NID1: variants seen among roughly 807,000 people sequenced by gnomAD.
The protein encoded by NID1 is nidogen 1.
Under a neutral mutation model 130.6 loss-of-function variants are expected in NID1, and 76 were observed. The observed-to-expected ratio is 0.58, with a 90% confidence interval of 0.48 to 0.70. The LOEUF (loss-of-function observed/expected upper bound fraction) is 0.70. NID1 is among the 30% of genes least tolerant of loss of function. The probability of loss-of-function intolerance (pLI) is 0.00; values close to 1 mark genes in which losing one functional copy is unlikely to be tolerated. For missense variants in NID1, 1,517 were observed against 1,664.8 expected (o/e 0.91, Z 1.54); for synonymous variants, 665 against 675.1 (o/e 0.98, Z 0.23).
intron 1 of NID1, among the ~76,000 whole-genome samples, chr1:236,063,635 T>C (rs1660107561): frequency 6.6e-6 from 1 of 151,226 alleles, no homozygotes; most frequent in Admixed American, 6.6e-5. Flanking sequence ...TTTAAAACTT[T>C]ATACTGCCCA....
At position 236,011,967 on chromosome 1, in the gene NID1, C is replaced by T. The variant is rs750183751; in HGVS notation, c.2481G>A (p.Gln827=). The stretch of plus-strand genomic sequence containing the variant: ...CGTCTCCCTGATAACCAGGTTTGCA[C>T]TGGCACGTGAAAGAGCCTGGAGTGT... ...CYNTPGSFTC[Q]CKPGYQGDGF... The change falls in exon 12 of 20, where the codon CAG becomes CAA. Residue 827 remains glutamine, a synonymous_variant. Transcript: ENST00000264187. 6.2e-6 allele frequency: 10 copies of T among 1,614,240 alleles called. No homozygotes were observed. The South Asian group carries it at 1.1e-4, about 18-fold the overall frequency.
At chr1:235,988,666 G>A (rs548147736) in intron 14 of NID1, among the ~76,000 whole-genome samples, 2 of 152,268 alleles carry the variant, frequency 1.3e-5, no homozygotes, top group East Asian at 1.9e-4. Context: ...CGGCAGATCC[G>A]TACAATGGGA....
In NID1 at chr1:235,977,845, A is replaced by G. The variant is rs1206985574; in HGVS notation, c.*22T>C. On this transcript the variant is annotated 3_prime_UTR_variant, in exon 20 of 20. Coordinates refer to ENST00000264187, the MANE Select transcript of NID1 (RefSeq NM_002508.3). Reference sequence around the variant, plus strand: ...GAGTGTTGCTGTGAAATACTTGGAAAGGAAATAAGGCACTCTTGTCTTCAT... The same window carrying G: ...GAGTGTTGCTGTGAAATACTTGGAAGGGAAATAAGGCACTCTTGTCTTCAT... 1.2e-6 allele frequency: 2 copies of G among 1,612,024 alleles called. No homozygotes were observed. Among genetic ancestry groups the G allele is most frequent in the African/African-American group, 1.3e-5 (1 of 74,846 alleles).
intron 10 of NID1, among the ~76,000 whole-genome samples, chr1:236,016,840 G>GT (rs2102819689): frequency 1.2e-5 from 1 of 83,556 alleles, no homozygotes; most frequent in South Asian, 4.6e-4. Context: ...ATGTCTAATA[G>GT]CTTATAGTTA....
chr1:236,007,658 A>G (rs1273410384), intron 12 of NID1, among the ~76,000 whole-genome samples: 3 of 152,164 alleles, frequency 2.0e-5, no homozygotes, highest in Non-Finnish European at 4.4e-5. Flanking sequence ...CCATCCCTGT[A>G]GAGAGACCCA....
chr1:236,032,701 C>G, intron 5 of NID1, 49 bp from the exon 6 acceptor site: 1 of 1,600,068 alleles, frequency 6.2e-7, no homozygotes, highest in African/African-American at 1.3e-5. Context: ...CCAAGCCAGT[C>G]TTTCAAACAC....
At chr1:235,988,382 G>A (rs1255304430) in intron 14 of NID1, among the ~76,000 whole-genome samples, 1 of 152,202 alleles carries the variant, frequency 6.6e-6, no homozygotes, top group Non-Finnish European at 1.5e-5. Context: ...CAGCCAACAA[G>A]TTTTGGTAAG....
In NID1 at chr1:235,990,903, C is replaced by T. The variant is rs758858540; in HGVS notation, c.2911G>A (p.Ala971Thr). Residue 971 changes from alanine to threonine, a missense_variant, in exon 14 of 20, where the codon GCG becomes ACG. Ala to Thr is a moderately conservative substitution (Grantham distance 58, BLOSUM62 0). Around this residue, in one of 3 missense-constraint regions of NID1, gnomAD observed 1,329 missense variants for 1,429.2 expected, o/e 0.93. Transcript: ENST00000264187. ...GNTMRKTEAKAFLHVPAKVII... is the reference protein window; with the variant it reads ...GNTMRKTEAKTFLHVPAKVII... ...GCACTCACCGGGACATGAAGGAACG[C>T]CTTTGCTTCTGTCTTCCTCATGGTA... 2 of 1,614,142 alleles carry T rather than the reference C, an allele frequency of 1.2e-6. No individual in the cohort carries two copies. Among genetic ancestry groups the T allele is most frequent in the Admixed American group, 1.7e-5 (1 of 60,010 alleles).
chr1:235,996,809 C>A (rs1657935952), intron 12 of NID1, among the ~76,000 whole-genome samples: 2 of 151,840 alleles, frequency 1.3e-5, no homozygotes, highest in South Asian at 4.2e-4. Context: ...AGCTCCTGGA[C>A]TCGAGTCATC....
chr1:236,024,867 T>C (rs1658874628), intron 8 of NID1, among the ~76,000 whole-genome samples: 1 of 152,080 alleles, frequency 6.6e-6, no homozygotes, highest in African/African-American at 2.4e-5. Flanking sequence ...GCAGCGCCAG[T>C]GATGCAGAGT....
At chr1:235,981,809 A>AT (rs771234681) in intron 15 of NID1, 27 bp from the exon 16 acceptor site, 64 of 1,559,566 alleles carry the variant, frequency 4.1e-5, no homozygotes, top group East Asian at 1.8e-4. Context: ...AGCTCCTCTA[A>AT]TTTTTTTTGT....
At position 235,977,802 on chromosome 1, in the gene NID1, A is replaced by G. The variant is rs966532975; in HGVS notation, c.*65T>C. The G allele has an allele frequency of 2.5e-6, 4 of 1,579,672 alleles. No individual in the cohort carries two copies. The highest frequency in any genetic ancestry group is 2.3e-5 in the South Asian group (2 of 86,934). ...AGCCAGAGGACACTTTTCAATCTGG[A>G]CCAAGTTGCTTCAAGTAGAGTGTTG... On this transcript the variant is annotated 3_prime_UTR_variant, in exon 20 of 20. Transcript: ENST00000264187.
At position 236,025,906 on chromosome 1, in the gene NID1, C is replaced by T. The variant is rs752704367; in HGVS notation, c.1974G>A (p.Gly658=). ...ILRYALSNSI[G]PVREGSPDAL... ...GCTGTATCCCCTTACCCCTCACAGG[C>T]CCAATGGAGTTGCTGAGAGCATAGC... is the stretch of plus-strand genomic sequence containing the variant. The change falls in exon 8 of 20, where the codon GGG becomes GGA. Residue 658 remains glycine (G), a synonymous_variant. Transcript: ENST00000264187. The T allele has an allele frequency of 3.7e-5, 59 of 1,613,998 alleles. No individual in the cohort carries two copies. The highest frequency in any genetic ancestry group is 2.7e-4 in the Admixed American group (16 of 60,018).
intron 1 of NID1, among the ~76,000 whole-genome samples, chr1:236,054,106 T>C (rs925091668): frequency 6.6e-6 from 1 of 151,972 alleles, no homozygotes; most frequent in Non-Finnish European, 1.5e-5. Flanking sequence ...CTTGAACAAA[T>C]AAATTTTAAA....
chr1:235,985,397 T>C lies in NID1; in HGVS notation c.3037A>G (p.Thr1013Ala). The C allele has an allele frequency of 6.2e-7, 1 of 1,614,084 alleles. No homozygotes were observed. The highest frequency in any genetic ancestry group is 8.5e-7 in the Non-Finnish European group (1 of 1,179,946). ...GRASLHGGEP[T>A]TIIRQDLGSP... The stretch of plus-strand genomic sequence containing the variant: ...TACTTACCTTGTCTAATGATGGTGG[T>C]TGGCTCTCCACCATGTAGACTAGCT... The change falls in exon 15 of 20, where the codon ACC becomes GCC. Residue 1013 changes from threonine (T) to alanine (A), a missense_variant. Physicochemically the swap from Thr to Ala is moderately conservative, Grantham distance 58 (BLOSUM62 0). Coordinates refer to ENST00000264187, the MANE Select transcript of NID1 (RefSeq NM_002508.3).
At chr1:236,059,828 G>A (rs946317896) in intron 1 of NID1, among the ~76,000 whole-genome samples, 1 of 152,170 alleles carries the variant, frequency 6.6e-6, no homozygotes, top group South Asian at 2.1e-4. Flanking sequence ...GCAGCCGGGC[G>A]TGGTGGCTCA....
chr1:235,989,823 T>A (rs1215641226), intron 14 of NID1, among the ~76,000 whole-genome samples: 2 of 152,144 alleles, frequency 1.3e-5, no homozygotes, highest in Non-Finnish European at 2.9e-5. Flanking sequence ...GAACTGCAAG[T>A]GCAAAGGCCC....
Position 235,993,726 on chromosome 1 carries a change from T to C in NID1, c.2674A>G (p.Ser892Gly). ...TCCACGCACCAGCAGTAGCCGGTGC[T>C]GCCGTGGCACTGGGTGGGCGCGTAG... ...GHYAPTQCHG[S>G]TGYCWCVDRD... Residue 892 changes from serine to glycine, a missense_variant, in exon 13 of 20, where the codon AGC (serine) becomes GGC (glycine). By Grantham distance (56) the Ser-to-Gly change is moderately conservative. Transcript: ENST00000264187. 6.2e-7 allele frequency: 1 copy of C among 1,611,672 alleles called. No homozygotes were observed. Among genetic ancestry groups the C allele is most frequent in the Non-Finnish European group, 8.5e-7 (1 of 1,178,566 alleles).
chr1:236,029,461 C>T, intron 7 of NID1, 89 bp downstream of exon 7: 1 of 1,272,124 alleles, frequency 7.9e-7, no homozygotes, highest in East Asian at 2.5e-5. Context: ...ATCCCAGAGA[C>T]AGCCCCAGTT....
Sources: allele counts gnomAD v4.1 joint callset (sites outside exome capture counted in the v4.1 genomes callset), GRCh38; gene constraint gnomAD v4.1.1; regional missense constraint gnomAD v4.1.1; transcripts MANE v1.5; gene names NCBI Gene and HGNC (gene_info 2026-07-23, HGNC 2026-07-21).